Variants in NDUFAF6 observed in about 807,000 individuals in gnomAD.
NDUFAF6 encodes the protein NADH dehydrogenase (ubiquinone) complex I, assembly factor 6.
In NDUFAF6, 45 loss-of-function variants were observed where a neutral mutation model predicts 40.8. That is an observed-to-expected ratio of 1.10 (90% CI 0.87 to 1.42). The LOEUF (loss-of-function observed/expected upper bound fraction) is 1.42. NDUFAF6 is among the 40% of genes most tolerant of loss of function. The probability of loss-of-function intolerance (pLI) is 0.00; values close to 1 mark genes in which losing one functional copy is unlikely to be tolerated. For synonymous variants in NDUFAF6, 185 were observed against 155.9 expected (o/e 1.19, Z -1.39); for missense variants, 435 against 418.5 (o/e 1.04, Z -0.34).
intron 2 of NDUFAF6, among the ~76,000 whole-genome samples, chr8:94,949,576 G>T (rs1822381441): frequency 6.6e-6 from 1 of 152,016 alleles, no homozygotes; most frequent in South Asian, 2.1e-4. Flanking sequence ...CGGGAGCTGA[G>T]CGTGAAGGCC....
At chr8:94,932,631 G>A (rs1274371774) in intron 1 of NDUFAF6, among the ~76,000 whole-genome samples, 4 of 151,832 alleles carry the variant, frequency 2.6e-5, no homozygotes, top group South Asian at 4.2e-4. Context: ...GTGAAACCCC[G>A]TCTCTACTAA....
At chr8:94,998,611 A>G (rs892137746) in intron 2 of NDUFAF6, among the ~76,000 whole-genome samples, 1 of 152,148 alleles carries the variant, frequency 6.6e-6, no homozygotes, top group African/African-American at 2.4e-5. Flanking sequence ...CAAGGTGAGG[A>G]CCACAAAGTC....
intron 5 of NDUFAF6, 56 bp from the exon 6 acceptor site, chr8:95,046,938 A>T (rs1830836630): frequency 6.2e-7 from 1 of 1,607,704 alleles, no homozygotes; most frequent in South Asian, 1.1e-5. Flanking sequence ...TGCTATTTCT[A>T]TTGATTTATT....
chr8:94,912,060 A>G (rs1250574890), intron 1 of NDUFAF6, among the ~76,000 whole-genome samples: 1 of 152,206 alleles, frequency 6.6e-6, no homozygotes, highest in Non-Finnish European at 1.5e-5. Context: ...AGGAGGTATT[A>G]CCACCAGATA....
intron 3 of NDUFAF6, among the ~76,000 whole-genome samples, chr8:95,039,858 G>T (rs1317406656): frequency 1.3e-5 from 2 of 152,106 alleles, no homozygotes; most frequent in East Asian, 3.9e-4. Context: ...CTGAACTCCT[G>T]AACTCAAGTG....
At chr8:95,089,367 C>A (rs1000794717) in intron 2 of NDUFAF6, among the ~76,000 whole-genome samples, 1 of 152,228 alleles carries the variant, frequency 6.6e-6, no homozygotes, top group Non-Finnish European at 1.5e-5. Context: ...GCCACCGTAC[C>A]CAGCCTCCAA....
chr8:94,912,939 A>G (rs1317979213), intron 1 of NDUFAF6, among the ~76,000 whole-genome samples: 7 of 152,254 alleles, frequency 4.6e-5, no homozygotes, highest in African/African-American at 1.7e-4. Context: ...AGATCACGCC[A>G]CTGCATTCCA....
chr8:94,980,643 G>GA (rs1465220206), intron 1 of NDUFAF6, among the ~76,000 whole-genome samples: 2 of 97,762 alleles, frequency 2.0e-5, no homozygotes, highest in Admixed American at 1.3e-4. Flanking sequence ...GGGTGGGGGG[G>GA]TCTCACCATG....
intron 8 of NDUFAF6, chr8:95,055,280 A>G (rs1328665230): frequency 1.3e-5 from 2 of 152,226 alleles, no homozygotes; most frequent in African/African-American, 2.4e-5. Context: ...TGGCCCCTGC[A>G]CAAGGATGAC....
downstream of NDUFAF6, among the ~76,000 whole-genome samples, chr8:95,062,209 A>G (rs533297623): frequency 1.8e-4 from 28 of 152,102 alleles, no homozygotes; most frequent in African/African-American, 6.5e-4. Flanking sequence ...GTGTGGGTTC[A>G]GTCCCAGCTC....
chr8:95,073,487 C>T (rs1832939589), intron 9 of NDUFAF6, among the ~76,000 whole-genome samples: 1 of 152,108 alleles, frequency 6.6e-6, no homozygotes, highest in Middle Eastern at 3.4e-3. Flanking sequence ...TCCGGGCTCG[C>T]AGACCACGCG....
chr8:95,096,376 C>T (rs1412276146), upstream of NDUFAF6, among the ~76,000 whole-genome samples: 14 of 152,152 alleles, frequency 9.2e-5, no homozygotes, highest in African/African-American at 3.4e-4. Flanking sequence ...ACCTCAATGC[C>T]TGGGGCAAGT....
chr8:95,116,641 G>T (rs572946436), downstream of NDUFAF6, among the ~76,000 whole-genome samples: 183 of 152,288 alleles, frequency 1.2e-3, no homozygotes, highest in African/African-American at 4.3e-3. Flanking sequence ...GTGAGCCACT[G>T]TGCCCAGCCT....
rs1195947427 is a variant in NDUFAF6 at position 95,045,760 on chromosome 8, T to C, written c.580+113T>C. The C allele has an allele frequency of 7.8e-6, 6 of 767,888 alleles. No homozygotes were observed. In the East Asian group the frequency reaches 1.3e-4, roughly 17 times the overall value. The allele number at this position is 767,888 out of a possible 1,614,324, so 47.6% of individuals were successfully genotyped here. A position where few individuals can be genotyped will look rare whatever the true frequency, so the allele number is the denominator to read the frequency against. On this transcript the variant is annotated intron_variant, in intron 5 of 8. Coordinates refer to ENST00000396124, the MANE Select transcript of NDUFAF6 (RefSeq NM_152416.4). ...TTAGCACTAAAGCCTTCCTTTATAC[T>C]ATCTGTAAAGGAACAGTTTTTTTTG...
At chr8:95,031,668 G>T (rs1828858544) in intron 1 of NDUFAF6, among the ~76,000 whole-genome samples, 1 of 152,064 alleles carries the variant, frequency 6.6e-6, no homozygotes, top group African/African-American at 2.4e-5. Flanking sequence ...GGCGCAATCT[G>T]GGCTCACTGT....
At chr8:94,898,752 A>G (rs915660418) in intron 1 of NDUFAF6, among the ~76,000 whole-genome samples, 7 of 152,232 alleles carry the variant, frequency 4.6e-5, no homozygotes, top group African/African-American at 1.4e-4. Context: ...TCTGCATTAG[A>G]GATTTGTCTC....
intron 2 of NDUFAF6, among the ~76,000 whole-genome samples, chr8:95,086,940 A>G (rs369949205): frequency 7.2e-5 from 11 of 152,154 alleles, no homozygotes; most frequent in African/African-American, 2.7e-4. Context: ...CTGTGTGATC[A>G]GGTCAACACA....
intron 1 of NDUFAF6, among the ~76,000 whole-genome samples, chr8:94,961,141 G>A (rs1282515943): frequency 6.6e-6 from 1 of 152,170 alleles, no homozygotes. Context: ...GTCCCAATTA[G>A]AAAATTTTTT....
At chr8:95,075,871 C>T (rs748600258) in exon 10 of NDUFAF6, 45 of 415,248 alleles carry the variant, frequency 1.1e-4, no homozygotes, top group Admixed American at 3.3e-4. Context: ...CTTTGACAAA[C>T]ACAGGTCGAT....
Sources: gnomAD v4.1 joint callset for allele counts (sites outside exome capture counted in the v4.1 genomes callset) on GRCh38, gnomAD v4.1.1 for gene constraint, MANE v1.5 for transcripts, NCBI Gene and HGNC (gene_info 2026-07-23, HGNC 2026-07-21) for gene names.